STPG2: variants seen among roughly 807,000 people sequenced by gnomAD.
The protein encoded by STPG2 is sperm-tail PG-rich repeat-containing protein 2.
In STPG2, 56 loss-of-function variants were observed where a neutral mutation model predicts 54.2. The ratio of observed to expected loss-of-function variants is 1.03; its 90% CI spans 0.83 to 1.29. The LOEUF (loss-of-function observed/expected upper bound fraction) is 1.29, where lower values mean the gene tolerates loss of function less well. STPG2 is among the 50% of genes most tolerant of loss of function. The pLI, the probability that STPG2 is intolerant of heterozygous loss-of-function variation, is 0.00. For synonymous variants in STPG2, 200 were observed against 181.8 expected (o/e 1.10, Z -0.81); for missense variants, 596 against 544.9 (o/e 1.09, Z -0.93).
chr4:97,690,910 G>A (rs553473115), intron 10 of STPG2, among the ~76,000 whole-genome samples: 2 of 152,232 alleles, frequency 1.3e-5, no homozygotes, highest in South Asian at 2.1e-4. Flanking sequence ...CACTTAAACA[G>A]GTTGAATCAA....
At chr4:97,450,586 C>T (rs1729340470) in intron 4 of STPG2, among the ~76,000 whole-genome samples, 1 of 151,850 alleles carries the variant, frequency 6.6e-6, no homozygotes, top group African/African-American at 2.4e-5. Flanking sequence ...GGAATAGGGT[C>T]AGGGGAGGCA....
chr4:97,576,267 A>T (rs564981100), intron 10 of STPG2, among the ~76,000 whole-genome samples: 1 of 150,096 alleles, frequency 6.7e-6, no homozygotes, highest in Non-Finnish European at 1.5e-5. Context: ...AACTATACTA[A>T]TATATATGGA....
chr4:97,559,069 C>T lies in STPG2; in HGVS notation c.1369G>A (p.Asp457Asn). The part of the protein sequence containing the change: ...KGNLIGEMAA[D>N]IM ...GCCATAAATTTATGTCACATTATAT[C>T]AGCAGCCATTTCACCAATGAGATTT... The change falls in exon 11 of 11, where the codon GAT (aspartate) becomes AAT (asparagine). Residue 457 changes from aspartate to asparagine, a missense_variant. Physicochemically the swap from Asp to Asn is conservative, Grantham distance 23. Transcript: ENST00000295268. 2 of 1,603,962 alleles carry T rather than the reference C, an allele frequency of 1.2e-6. No homozygotes were observed. The highest frequency in any genetic ancestry group is 1.3e-5 in the African/African-American group (1 of 74,542).
chr4:97,493,848 C>A (rs574447032), intron 4 of STPG2, among the ~76,000 whole-genome samples: 1 of 151,558 alleles, frequency 6.6e-6, no homozygotes, highest in Admixed American at 6.6e-5. Context: ...CAAACAACTA[C>A]CCTAGTGAAA....
intron 9 of STPG2, among the ~76,000 whole-genome samples, chr4:97,837,659 A>G (rs923070080): frequency 6.6e-6 from 1 of 151,666 alleles, no homozygotes; most frequent in South Asian, 2.1e-4. Context: ...CAATATACTG[A>G]GTCTAGATGT....
intron 5 of STPG2, among the ~76,000 whole-genome samples, chr4:98,023,425 G>C (rs1736298397): frequency 6.6e-6 from 1 of 152,216 alleles, no homozygotes; most frequent in African/African-American, 2.4e-5. Context: ...TTGGCCGTGT[G>C]AGGTGTCAAT....
chr4:97,816,412 G>C (rs1456055512), intron 9 of STPG2, among the ~76,000 whole-genome samples: 1 of 152,000 alleles, frequency 6.6e-6, no homozygotes, highest in African/African-American at 2.4e-5. Context: ...GGGATTGCTG[G>C]GTCAAATGGT....
chr4:98,035,919 G>C (rs1041496871), intron 5 of STPG2, among the ~76,000 whole-genome samples: 1 of 151,990 alleles, frequency 6.6e-6, no homozygotes, highest in Admixed American at 6.6e-5. Context: ...ACACAGGGAG[G>C]GGAACATCAC....
At chr4:97,852,396 T>C (rs1351209632) in intron 8 of STPG2, among the ~76,000 whole-genome samples, 3 of 152,194 alleles carry the variant, frequency 2.0e-5, no homozygotes, top group African/African-American at 7.2e-5. Flanking sequence ...GTTATATTTA[T>C]AGCCTTATTA....
intron 5 of STPG2, among the ~76,000 whole-genome samples, chr4:98,006,111 G>A (rs1735568060): frequency 6.6e-6 from 1 of 152,202 alleles, no homozygotes; most frequent in Non-Finnish European, 1.5e-5. Flanking sequence ...CCACCTGGTA[G>A]TGTAGTGATT....
chr4:97,819,302 A>C (rs1728011852), intron 9 of STPG2, among the ~76,000 whole-genome samples: 1 of 152,042 alleles, frequency 6.6e-6, no homozygotes, highest in African/African-American at 2.4e-5. Context: ...AGAATATTAT[A>C]AGTCACTGAG....
intron 5 of STPG2, among the ~76,000 whole-genome samples, chr4:98,060,544 T>C (rs1200719369): frequency 6.6e-6 from 1 of 152,170 alleles, no homozygotes; most frequent in Non-Finnish European, 1.5e-5. Flanking sequence ...GAAGACATTA[T>C]TCACAGAACT....
intron 10 of STPG2, among the ~76,000 whole-genome samples, chr4:97,677,591 T>A (rs1007186146): frequency 6.6e-6 from 1 of 152,196 alleles, no homozygotes; most frequent in Non-Finnish European, 1.5e-5. Flanking sequence ...AAAATCATTA[T>A]CCAATTACAA....
chr4:97,531,610 G>T (rs1731415809), intron 4 of STPG2, among the ~76,000 whole-genome samples: 1 of 152,112 alleles, frequency 6.6e-6, no homozygotes, highest in Non-Finnish European at 1.5e-5. Context: ...GCCAGGCAAA[G>T]AAAAACAAAC....
At chr4:97,842,220 G>A (rs1728822900) in intron 8 of STPG2, among the ~76,000 whole-genome samples, 1 of 151,756 alleles carries the variant, frequency 6.6e-6, no homozygotes, top group South Asian at 2.1e-4. Context: ...CCCCACTTCT[G>A]GTTTGAGTCC....
intron 7 of STPG2, among the ~76,000 whole-genome samples, chr4:97,949,995 A>C (rs1007781414): frequency 6.6e-6 from 1 of 152,094 alleles, no homozygotes; most frequent in Non-Finnish European, 1.5e-5. Context: ...TTCCTCAAAA[A>C]ATTATTCTAC....
intron 5 of STPG2, among the ~76,000 whole-genome samples, chr4:98,023,347 C>T (rs181669903): frequency 2.0e-3 from 311 of 152,254 alleles, no homozygotes; most frequent in African/African-American, 7.2e-3. Flanking sequence ...TGTAGAACAG[C>T]GGATTTTCGT....
downstream of STPG2, among the ~76,000 whole-genome samples, chr4:97,555,210 T>G (rs1030456839): frequency 3.3e-5 from 5 of 152,206 alleles, no homozygotes; most frequent in Non-Finnish European, 7.3e-5. Flanking sequence ...CTATGGTAAT[T>G]AAGCCTGAAG....
chr4:97,497,101 G>A (rs1730627100), intron 4 of STPG2, among the ~76,000 whole-genome samples: 1 of 150,948 alleles, frequency 6.6e-6, no homozygotes, highest in Admixed American at 6.6e-5. Context: ...AAATACAAAT[G>A]AGGAAATAGT....
Sources: allele counts gnomAD v4.1 joint callset (sites outside exome capture counted in the v4.1 genomes callset), GRCh38; gene constraint gnomAD v4.1.1; transcripts MANE v1.5; gene names NCBI Gene and HGNC (gene_info 2026-07-23, HGNC 2026-07-21).